IRAG2: variants seen among roughly 807,000 people sequenced by gnomAD.
IRAG2 encodes the protein lymphoid restricted membrane protein.
Under a neutral mutation model 69.9 loss-of-function variants are expected in IRAG2, and 45 were observed. The ratio of observed to expected loss-of-function variants is 0.64; its 90% CI spans 0.51 to 0.83. IRAG2 has a LOEUF of 0.83. IRAG2 is among the 40% of genes least tolerant of loss of function. The probability of loss-of-function intolerance (pLI) is 0.00; values close to 1 mark genes in which losing one functional copy is unlikely to be tolerated. For missense variants in IRAG2, 520 were observed against 587.0 expected, an observed-to-expected ratio of 0.89 and a Z score of 1.18; for synonymous variants, 193 against 202.4, an observed-to-expected ratio of 0.95 and a Z score of 0.40.
chr12:25,011,490 G>T, exon 3 of IRAG2: 1 of 1,231,716 alleles, frequency 8.1e-7, no homozygotes, highest in Non-Finnish European at 1.0e-6. Context: ...AGACCCACAT[G>T]TGGACCTGGA....
intron 13 of IRAG2, among the ~76,000 whole-genome samples, chr12:25,035,070 G>A (rs147596429): frequency 5.1e-4 from 77 of 152,274 alleles, no homozygotes; most frequent in African/African-American, 1.7e-3. Flanking sequence ...GTTATCAGCC[G>A]GCAAAGTTCT....
At chr12:25,103,560 A>G (rs1948872801) in intron 17 of IRAG2, 1 of 348,408 alleles carries the variant, frequency 2.9e-6, no homozygotes, top group Non-Finnish European at 5.2e-6. Context: ...GAAATGTTCA[A>G]TGTTTCTAGA....
rs185798468 is a variant in IRAG2 at position 25,093,110 on chromosome 12, T to C, written c.606+2913T>C. On this transcript the variant is annotated intron_variant, in intron 14 of 21. Coordinates refer to ENST00000556887, the MANE Select transcript of IRAG2 (RefSeq NM_001366544.2). ...TGTTTCTTACAAATTTTAGATTCTA[T>C]TCAATGTTTATACTGGACGAGGTTT... is the stretch of plus-strand genomic sequence containing the variant. The C allele has an allele frequency of 2.1e-4, 32 of 153,440 alleles. No individual in the cohort carries two copies. In the East Asian group the frequency reaches 5.0e-3, roughly 24 times the overall value. The allele number at this position is 153,440 out of a possible 1,614,324, so 9.5% of individuals were successfully genotyped here.
chr12:25,063,953 T>C (rs990237812), intron 4 of IRAG2, 137 bp downstream of exon 4: 1 of 394,562 alleles, frequency 2.5e-6, no homozygotes, highest in Admixed American at 4.4e-5. Flanking sequence ...ATTCAGTCAA[T>C]CAATATATAT....
chr12:25,073,710 C>T (rs1192301189), intron 6 of IRAG2, among the ~76,000 whole-genome samples: 2 of 152,072 alleles, frequency 1.3e-5, no homozygotes, highest in East Asian at 1.9e-4. Flanking sequence ...CTTTATTCAC[C>T]CAATAAATTA....
In IRAG2 at chr12:25,075,024, A is replaced by G. The variant is rs182240010; in HGVS notation, c.25-4220A>G. ...AATTGGAACATGTAGAAGTTGACTG[A>G]TAACTATATTATAAATGAACCTGAA... On this transcript the variant is annotated intron_variant, in intron 6 of 21. Transcript: ENST00000556887. Among the ~76,000 whole-genome samples the G allele has an allele frequency of 2.2e-3, 340 of 152,336 alleles. 1 individual carries two copies. The highest frequency in any genetic ancestry group is 7.5e-3 in the African/African-American group (314 of 41,590).
intron 9 of IRAG2, 92 bp downstream of exon 9, chr12:25,079,855 A>C: frequency 1.5e-6 from 1 of 676,566 alleles, no homozygotes; most frequent in Non-Finnish European, 2.5e-6. Context: ...CTAGCTCAAT[A>C]ATGTTATTTA....
intron 1 of IRAG2, among the ~76,000 whole-genome samples, chr12:25,053,906 T>C (rs1470340377): frequency 6.6e-6 from 1 of 151,926 alleles, no homozygotes; most frequent in Admixed American, 6.6e-5. Context: ...GAGAAAGCTA[T>C]TTAGGAGTTT....
chr12:25,044,478 T>A (rs967619938), intron 16 of IRAG2, among the ~76,000 whole-genome samples: 1 of 135,118 alleles, frequency 7.4e-6, no homozygotes, highest in African/African-American at 2.6e-5. Context: ...CATAGAGGGC[T>A]GAACATATTA....
chr12:25,058,150 G>A (rs547627483), intron 1 of IRAG2, among the ~76,000 whole-genome samples: 2 of 152,162 alleles, frequency 1.3e-5, no homozygotes, highest in African/African-American at 4.8e-5. Context: ...AGCTGTGACT[G>A]TCACTTTTTA....
At chr12:25,058,191 T>C (rs1275104358) in intron 1 of IRAG2, among the ~76,000 whole-genome samples, 2 of 152,212 alleles carry the variant, frequency 1.3e-5, no homozygotes, top group Non-Finnish European at 2.9e-5. Context: ...CGGTAGTTTT[T>C]ATAGCATTTC....
intron 4 of IRAG2, 117 bp downstream of exon 4, chr12:25,063,933 T>C (rs1945797271): frequency 2.5e-6 from 1 of 396,024 alleles, no homozygotes; most frequent in Non-Finnish European, 4.5e-6. Flanking sequence ...ACGTGTATAT[T>C]TACCCCTGAA....
At chr12:25,069,980 T>C (rs921372572) in intron 6 of IRAG2, among the ~76,000 whole-genome samples, 7 of 152,184 alleles carry the variant, frequency 4.6e-5, no homozygotes, top group Non-Finnish European at 1.0e-4. Context: ...GTCTCTATCA[T>C]TGAGATGTGG....
intron 11 of IRAG2, among the ~76,000 whole-genome samples, chr12:25,088,432 T>C (rs996964589): frequency 6.6e-6 from 1 of 152,276 alleles, no homozygotes; most frequent in Non-Finnish European, 1.5e-5. Flanking sequence ...TATGCTCTAC[T>C]GTTAGTTCTT....
Position 25,108,022 on chromosome 12 carries a change from T to C in IRAG2, c.1462T>C (p.Phe488Leu). The change falls in exon 22 of 22, where the codon TTT (phenylalanine) becomes CTT (leucine). Residue 488 changes from phenylalanine to leucine, a missense_variant. Transcript: ENST00000556887. ...GTCTCTAGAACATATCTTGTGGCCA[T>C]TTACCAGACTCCGACACAATGGGCC... ...WTSLEHILWP[F>L]TRLRHNGPPP... 1.2e-6 allele frequency: 2 copies of C among 1,614,096 alleles called. No homozygotes were observed. Among genetic ancestry groups the C allele is most frequent in the Admixed American group, 1.7e-5 (1 of 60,012 alleles).
intron 4 of IRAG2, among the ~76,000 whole-genome samples, chr12:25,065,379 A>C (rs566378622): frequency 6.6e-6 from 1 of 152,276 alleles, no homozygotes; most frequent in East Asian, 1.9e-4. Flanking sequence ...AAAATTTCTG[A>C]TTGACCCTAA....
intron 6 of IRAG2, among the ~76,000 whole-genome samples, chr12:25,077,720 T>C (rs1020032556): frequency 2.0e-5 from 3 of 152,034 alleles, no homozygotes; most frequent in Non-Finnish European, 4.4e-5. Context: ...AAAGTGGGCT[T>C]TGGATGAAAG....
chr12:25,050,639 A>G (rs906312304), upstream of IRAG2, among the ~76,000 whole-genome samples: 5 of 152,210 alleles, frequency 3.3e-5, no homozygotes, highest in Admixed American at 1.3e-4. Context: ...GTATTTATCC[A>G]AAATAATTAA....
rs1024944246 is a variant in IRAG2, at chr12:25,090,123, C to T, written c.532C>T (p.Leu178Phe). The T allele has an allele frequency of 6.2e-7, 1 of 1,613,568 alleles. No individual in the cohort carries two copies. The highest frequency in any genetic ancestry group is 8.5e-7 in the Non-Finnish European group (1 of 1,179,608). ...GTTTACCTTGGAGAAGAGAGTGAAGCTTGAAGAGAGGTCCCGTGACTTGGC... is the reference window on the plus strand; with the variant it reads ...GTTTACCTTGGAGAAGAGAGTGAAGTTTGAAGAGAGGTCCCGTGACTTGGC... ...DWFTLEKRVK[L>F]EERSRDLAEE... The change falls in exon 14 of 22, where the codon CTT (leucine) becomes TTT (phenylalanine). Residue 178 changes from leucine (L) to phenylalanine (F), a missense_variant. Transcript: ENST00000556887.
Sources: gnomAD v4.1 joint callset for allele counts (sites outside exome capture counted in the v4.1 genomes callset) on GRCh38, gnomAD v4.1.1 for gene constraint, MANE v1.5 for transcripts, NCBI Gene and HGNC (gene_info 2026-07-23, HGNC 2026-07-21) for gene names.